The following NAALADL1 variants were observed in gnomAD, a reference collection of about 807,000 sequenced individuals.
NAALADL1 encodes the protein N-acetylated alpha-linked acidic dipeptidase like 1.
Under a neutral mutation model 82.8 loss-of-function variants are expected in NAALADL1, and 77 were observed. The ratio of observed to expected loss-of-function variants is 0.93; its 90% confidence interval spans 0.77 to 1.12. The LOEUF (loss-of-function observed/expected upper bound fraction) is 1.12. Among genes scored for constraint, NAALADL1 ranks in the 50% most tolerant of loss-of-function variants. NAALADL1 has a pLI of 0.00. For synonymous variants in NAALADL1, 358 were observed against 399.2 expected (o/e 0.90, Z 1.23); for missense variants, 956 against 964.0 (o/e 0.99, Z 0.11).
chr11:65,058,190 C>T lies in NAALADL1; in HGVS notation c.246G>A (p.Leu82=), dbSNP rs761287697. Residue 82 remains leucine (L), a synonymous_variant, in exon 2 of 18, where the codon CTG becomes CTA. Transcript: ENST00000358658. The part of the protein sequence containing the change: ...SSPRDEDLVQ[L]LLQRWKDPES... ...CTGGGTCCTTCCAGCGCTGCAGCAG[C>T]AGCTGCACCAGGTCCTCATCCCGAG... The T allele has an allele frequency of 8.1e-6, 13 of 1,613,690 alleles. No homozygotes were observed. In the South Asian group the frequency reaches 1.3e-4, roughly 16 times the overall value.
At chr11:65,056,735 T>TA (rs1180015645) in intron 4 of NAALADL1, among the ~76,000 whole-genome samples, 1 of 130,900 alleles carries the variant, frequency 7.6e-6, no homozygotes, top group South Asian at 2.4e-4. Flanking sequence ...TTTTTTTTTT[T>TA]AAATCAGAGT....
Position 65,058,166 on chromosome 11 carries a change from TG to T in NAALADL1, c.269del (p.Pro90GlnfsTer48). On this transcript the variant is annotated frameshift_variant, in exon 2 of 18. Transcript: ENST00000358658. LOFTEE classifies it high-confidence loss of function. ...CCTCGGCCGAGTCCAGGCCTGACTC[TG>T]GGTCCTTCCAGCGCTGCAGCAGCAG... ...VQLLLQRWKD[P>X]ESGLDSAEAS... 8 of 1,613,952 alleles carry T rather than the reference TG, an allele frequency of 5.0e-6. No individual in the cohort carries two copies. Among genetic ancestry groups the T allele is most frequent in the Non-Finnish European group, 6.8e-6 (8 of 1,179,958 alleles).
At position 65,058,198 on chromosome 11, in the gene NAALADL1, C is replaced by A; in HGVS notation, c.238G>T (p.Val80Leu). Reference sequence around the variant, plus strand: ...TTCCAGCGCTGCAGCAGCAGCTGCACCAGGTCCTCATCCCGAGGGCTGGAG... The same window carrying A: ...TTCCAGCGCTGCAGCAGCAGCTGCAACAGGTCCTCATCCCGAGGGCTGGAG... ...LASSPRDEDL[V>L]QLLLQRWKDP... The change falls in exon 2 of 18, where the codon GTG becomes TTG. Residue 80 changes from valine to leucine, a missense_variant. Coordinates refer to ENST00000358658, the MANE Select transcript of NAALADL1 (RefSeq NM_005468.3). The A allele has an allele frequency of 6.2e-7, 1 of 1,613,808 alleles. No homozygotes were observed. Among genetic ancestry groups the A allele is most frequent in the Non-Finnish European group, 8.5e-7 (1 of 1,179,854 alleles).
Position 65,045,832 on chromosome 11 carries a change from G to A in NAALADL1, c.2026C>T (p.Arg676Cys), listed in dbSNP as rs139461439. 302 of 1,613,998 alleles carry A rather than the reference G, an allele frequency of 1.9e-4. No individual in the cohort carries two copies. The highest frequency in any genetic ancestry group is 1.1e-3 in the African/African-American group (79 of 75,058). ...FLNPRAFPEE[R>C]YYSHVLWAPR... ...CTGGGACAGACTCACCTGTAGTAGCGTTCCTCTGGGAAGGCTCTAGGGTTC... is the reference window on the plus strand; with the variant it reads ...CTGGGACAGACTCACCTGTAGTAGCATTCCTCTGGGAAGGCTCTAGGGTTC... The change falls in exon 17 of 18, where the codon CGC becomes TGC. Residue 676 changes from arginine (R) to cysteine (C), a missense_variant. By Grantham distance (180) the Arg-to-Cys change is radical. Transcript: ENST00000358658.
intron 11 of NAALADL1, 116 bp downstream of exon 11, chr11:65,047,865 A>C: frequency 6.8e-7 from 1 of 1,463,674 alleles, no homozygotes; most frequent in Non-Finnish European, 9.2e-7. Context: ...GCCTCAGTCC[A>C]GCCCCAGCAG....
Position 65,058,225 on chromosome 11 carries a change from C to A in NAALADL1, c.211G>T (p.Ala71Ser). 1 of 1,613,516 alleles carries A rather than the reference C, an allele frequency of 6.2e-7. No homozygotes were observed. The highest frequency in any genetic ancestry group is 8.5e-7 in the Non-Finnish European group (1 of 1,179,738). Residue 71 changes from alanine (A) to serine (S), a missense_variant, in exon 2 of 18, where the codon GCC (alanine) becomes TCC (serine). Physicochemically the swap from Ala to Ser is moderately conservative, Grantham distance 99. Coordinates refer to ENST00000358658, the MANE Select transcript of NAALADL1 (RefSeq NM_005468.3). ...LRELSREPHL[A>S]SSPRDEDLVQ... ...AGGTCCTCATCCCGAGGGCTGGAGGCCAGGTGTGGCTCCCTGGAGAGTTCT... is the reference window on the plus strand; with the variant it reads ...AGGTCCTCATCCCGAGGGCTGGAGGACAGGTGTGGCTCCCTGGAGAGTTCT...
intron 8 of NAALADL1, among the ~76,000 whole-genome samples, chr11:65,049,527 G>T (rs759482223): frequency 8.5e-5 from 13 of 152,126 alleles, no homozygotes; most frequent in Non-Finnish European, 1.5e-4. Flanking sequence ...CTAGTAACCA[G>T]ATCACTAGTG....
chr11:65,061,125 C>T (rs1002267716), upstream of NAALADL1, among the ~76,000 whole-genome samples: 2 of 152,224 alleles, frequency 1.3e-5, no homozygotes, highest in Non-Finnish European at 2.9e-5. Flanking sequence ...TTCTTCTGCG[C>T]CTGCACCCTT....
In NAALADL1 at chr11:65,048,285, T is replaced by G; in HGVS notation, c.1284+15A>C. On this transcript the variant is annotated intron_variant, in intron 9 of 17. Coordinates refer to ENST00000358658, the MANE Select transcript of NAALADL1 (RefSeq NM_005468.3). Reference sequence around the variant, plus strand: ...GGGAACCCCTTTCGATCCCCTACCCTGTAGGGCCACTCACTTCTGTGAATT... The same window carrying G: ...GGGAACCCCTTTCGATCCCCTACCCGGTAGGGCCACTCACTTCTGTGAATT... The G allele has an allele frequency of 6.2e-7, 1 of 1,614,040 alleles. No individual in the cohort carries two copies. The highest frequency in any genetic ancestry group is 8.5e-7 in the Non-Finnish European group (1 of 1,179,964).
chr11:65,052,529 G>A (rs1232754158), intron 8 of NAALADL1, among the ~76,000 whole-genome samples: 2 of 152,152 alleles, frequency 1.3e-5, no homozygotes. Context: ...GGCCAGGCTG[G>A]TCTCGAACTC....
chr11:65,055,177 A>G (rs1270153758), intron 4 of NAALADL1, among the ~76,000 whole-genome samples: 1 of 152,192 alleles, frequency 6.6e-6, no homozygotes, highest in East Asian at 1.9e-4. Context: ...TGAGGCAGGC[A>G]GATCACCTGA....
Position 65,058,476 on chromosome 11 carries a change from G to A in NAALADL1, c.46C>T (p.Leu16Phe). The A allele has an allele frequency of 1.2e-6, 2 of 1,612,490 alleles. No individual in the cohort carries two copies. Among genetic ancestry groups the A allele is most frequent in the Non-Finnish European group, 1.7e-6 (2 of 1,179,410 alleles). Residue 16 changes from leucine to phenylalanine, a missense_variant, in exon 1 of 18, where the codon CTC (leucine) becomes TTC (phenylalanine). Physicochemically the swap from Leu to Phe is conservative, Grantham distance 22. Coordinates refer to ENST00000358658, the MANE Select transcript of NAALADL1 (RefSeq NM_005468.3). ...VLGLGLGAAA[L>F]LGLGIILGHF... Reference sequence around the variant, plus strand: ...CCGAGGATGATCCCCAGCCCCAAGAGGGCAGCAGCCCCCAGCCCCAGCCCC... The same window carrying A: ...CCGAGGATGATCCCCAGCCCCAAGAAGGCAGCAGCCCCCAGCCCCAGCCCC...
At chr11:65,045,573 C>T in intron 17 of NAALADL1, 116 bp from the exon 18 acceptor site, 1 of 1,157,158 alleles carries the variant, frequency 8.6e-7, no homozygotes, top group Non-Finnish European at 1.2e-6. Context: ...GCACCCCCGT[C>T]CACTTGTCTC....
Position 65,053,437 on chromosome 11 carries a change from G to A in NAALADL1, c.1078+54C>T, listed in dbSNP as rs187252443. The A allele has an allele frequency of 2.4e-5, 38 of 1,610,776 alleles. No individual in the cohort carries two copies. The African/African-American group carries it at 2.9e-4, about 12-fold the overall frequency. On this transcript the variant is annotated intron_variant, in intron 7 of 17. Coordinates refer to ENST00000358658, the MANE Select transcript of NAALADL1 (RefSeq NM_005468.3). This position sits in a 1 kb window ranked among gnomAD's most constrained non-coding sequence, Gnocchi z 4.3. The stretch of plus-strand genomic sequence containing the variant: ...AAGGGCAGGGCTGGATGAGGACAGC[G>A]GCATCCAGAGCAGAGCAGGGGCCTG...
rs1405156582 is a variant in NAALADL1 at position 65,045,803 on chromosome 11, G to A, written c.2036+19C>T. On this transcript the variant is annotated intron_variant, in intron 17 of 17. Coordinates refer to ENST00000358658, the MANE Select transcript of NAALADL1 (RefSeq NM_005468.3). ...GGCCCCACCTGGAGGCACCTCCCAG[G>A]ACTCTGGGACAGACTCACCTGTAGT... 1.2e-6 allele frequency: 2 copies of A among 1,610,764 alleles called. No individual in the cohort carries two copies. The highest frequency in any genetic ancestry group is 1.7e-5 in the Admixed American group (1 of 59,912).
At position 65,048,307 on chromosome 11, in the gene NAALADL1, A is replaced by G. The variant is rs1946795678; in HGVS notation, c.1277T>C (p.Phe426Ser). The change falls in exon 9 of 18, where the codon TTC becomes TCC. Residue 426 changes from phenylalanine (F) to serine (S), a missense_variant. Coordinates refer to ENST00000358658, the MANE Select transcript of NAALADL1 (RefSeq NM_005468.3). ...EEFGLIGSTEFTEEFFNKLQE... is the reference protein window; with the variant it reads ...EEFGLIGSTESTEEFFNKLQE... ...CCCTGTAGGGCCACTCACTTCTGTG[A>G]ATTCCGTGGAGCCAATGAGCCCAAA... is the stretch of plus-strand genomic sequence containing the variant. The G allele has an allele frequency of 6.2e-7, 1 of 1,614,156 alleles. No homozygotes were observed. The highest frequency in any genetic ancestry group is 1.1e-5 in the South Asian group (1 of 91,086).
intron 13 of NAALADL1, 87 bp downstream of exon 13, chr11:65,047,388 G>T (rs1430081726): frequency 3.0e-5 from 35 of 1,150,352 alleles, no homozygotes; most frequent in Non-Finnish European, 4.0e-5. Flanking sequence ...AAGGTGCAGG[G>T]TTCAGTCTGT....
intron 8 of NAALADL1, among the ~76,000 whole-genome samples, chr11:65,052,939 C>T (rs1026245501): frequency 7.2e-5 from 11 of 152,358 alleles, no homozygotes; most frequent in African/African-American, 4.8e-5. Flanking sequence ...CTAAAGTTCC[C>T]GGAGGGCAGA....
At chr11:65,048,498 T>C in intron 8 of NAALADL1, 113 bp from the exon 9 acceptor site, 1 of 1,185,620 alleles carries the variant, frequency 8.4e-7, no homozygotes, top group Non-Finnish European at 1.2e-6. Flanking sequence ...GGGCAGCTGG[T>C]GACAGGATGT....
Sources: gnomAD v4.1 joint callset for allele counts (sites outside exome capture counted in the v4.1 genomes callset) on GRCh38, gnomAD v4.1.1 for gene constraint, Gnocchi (gnomAD v3.1) non-coding constraint, MANE v1.5 for transcripts, NCBI Gene and HGNC (gene_info 2026-07-23, HGNC 2026-07-21) for gene names.